The following RBL1 variants were observed in gnomAD, a reference collection of about 807,000 sequenced individuals.
The protein encoded by RBL1 is retinoblastoma-like protein 1.
Under a neutral mutation model 123.0 loss-of-function variants are expected in RBL1, and 82 were observed. That is an observed-to-expected ratio of 0.67 (90% CI 0.56 to 0.80). The LOEUF is 0.80. RBL1 is among the 30% of genes least tolerant of loss of function. The pLI, the probability that RBL1 is intolerant of heterozygous loss-of-function variation, is 0.00. For missense variants in RBL1, 1,171 were observed against 1,299.6 expected, an observed-to-expected ratio of 0.90 and a Z score of 1.52; for synonymous variants, 405 against 441.3, an observed-to-expected ratio of 0.92 and a Z score of 1.03.
intron 18 of RBL1, among the ~76,000 whole-genome samples, chr20:37,019,077 T>C (rs964160661): frequency 6.6e-6 from 1 of 151,868 alleles, no homozygotes; most frequent in South Asian, 2.1e-4. Context: ...AGGGTCTCAC[T>C]CTATGGCTCA....
chr20:37,082,856 T>C (rs968373682), intron 2 of RBL1, among the ~76,000 whole-genome samples: 3 of 151,792 alleles, frequency 2.0e-5, no homozygotes, highest in Admixed American at 1.3e-4. Context: ...ACAAAAATTA[T>C]CTGGGCATAG....
At chr20:37,066,268 C>A (rs1032881793) in intron 6 of RBL1, among the ~76,000 whole-genome samples, 5 of 152,174 alleles carry the variant, frequency 3.3e-5, no homozygotes, top group African/African-American at 1.2e-4. Flanking sequence ...ACACAGATAG[C>A]CTACAAGTGG....
rs1447545915 is a variant in RBL1 at position 37,095,889 on chromosome 20, C to T, written c.40G>A (p.Val14Ile). ...DKPHAEGAAV[V>I]AAAGEALQAL... ...TGTAGCGCCTCCCCGGCTGCGGCGACCACCGCCGCCCCCTCAGCGTGGGGC... is the reference window on the plus strand; with the variant it reads ...TGTAGCGCCTCCCCGGCTGCGGCGATCACCGCCGCCCCCTCAGCGTGGGGC... Residue 14 changes from valine to isoleucine, a missense_variant, in exon 1 of 22, where the codon GTC becomes ATC. Coordinates refer to ENST00000373664, the MANE Select transcript of RBL1 (RefSeq NM_002895.5). 6.2e-7 allele frequency: 1 copy of T among 1,602,038 alleles called. No individual in the cohort carries two copies. The highest frequency in any genetic ancestry group is 8.5e-7 in the Non-Finnish European group (1 of 1,175,030).
At chr20:37,049,760 A>G in intron 11 of RBL1, 1 of 530,970 alleles carries the variant, frequency 1.9e-6, no homozygotes, top group Non-Finnish European at 3.3e-6. Flanking sequence ...AATTTAAAAT[A>G]TTTTTTAGAG....
chr20:37,091,872 A>C (rs942017672), intron 1 of RBL1, among the ~76,000 whole-genome samples: 2 of 152,124 alleles, frequency 1.3e-5, no homozygotes, highest in African/African-American at 4.8e-5. Context: ...AAGGAATGAG[A>C]AGTCTTTTCT....
chr20:37,071,905 C>T (rs1000499943), intron 2 of RBL1, among the ~76,000 whole-genome samples: 2 of 152,182 alleles, frequency 1.3e-5, no homozygotes, highest in African/African-American at 2.4e-5. Context: ...TCACCAGGAG[C>T]AGATGCCAGC....
At chr20:37,088,054 C>T (rs1464466847) in intron 2 of RBL1, among the ~76,000 whole-genome samples, 3 of 152,064 alleles carry the variant, frequency 2.0e-5, no homozygotes, top group East Asian at 3.9e-4. Context: ...CACCTGAGGT[C>T]GGGAGTTCGA....
At chr20:37,002,336 GTTTTTTT>G (rs965408801) in intron 21 of RBL1, among the ~76,000 whole-genome samples, 24 of 76,338 alleles carry the variant, frequency 3.1e-4, no homozygotes, top group South Asian at 2.3e-3. Flanking sequence ...AGCCTTATCT[GTTTTTTT>G]TTTTTTTTTT....
At chr20:37,017,482 AC>A (rs2064274165) in intron 19 of RBL1, among the ~76,000 whole-genome samples, 1 of 151,910 alleles carries the variant, frequency 6.6e-6, no homozygotes, top group Non-Finnish European at 1.5e-5. Context: ...ATGAATACTA[AC>A]CATTTGATTT....
chr20:37,058,115 TAA>T (rs766773271), intron 9 of RBL1, among the ~76,000 whole-genome samples: 1 of 78,392 alleles, frequency 1.3e-5, no homozygotes, highest in Admixed American at 1.6e-4. Flanking sequence ...AAACTCTGTC[TAA>T]AAAAAAAAAA....
At position 37,044,151 on chromosome 20, in the gene RBL1, T is replaced by G; in HGVS notation, c.1705A>C (p.Ser569Arg). 3.7e-6 allele frequency: 6 copies of G among 1,612,262 alleles called. No homozygotes were observed. The highest frequency in any genetic ancestry group is 5.1e-6 in the Non-Finnish European group (6 of 1,179,378). ...GCCTCCCACAGTGCAGAATCGTGAC[T>G]CCATGCTAAACTCTCCAAAATCTGT... ...EEQILESLAW[S>R]HDSALWEALQ... The change falls in exon 13 of 22, where the codon AGT (serine) becomes CGT (arginine). Residue 569 changes from serine to arginine, a missense_variant. Transcript: ENST00000373664.
chr20:37,002,869 C>G (rs1052698268), intron 21 of RBL1, among the ~76,000 whole-genome samples: 1 of 151,612 alleles, frequency 6.6e-6, no homozygotes, highest in Non-Finnish European at 1.5e-5. Flanking sequence ...ATTATAGGTG[C>G]GCACCACCAT....
chr20:37,061,703 T>C (rs2065097679), intron 8 of RBL1, among the ~76,000 whole-genome samples: 1 of 152,194 alleles, frequency 6.6e-6, no homozygotes, highest in Non-Finnish European at 1.5e-5. Flanking sequence ...GTCCAGAGTT[T>C]TATGGCTGAA....
At chr20:37,044,033 GTT>G (rs200990142) in intron 13 of RBL1, 51 bp downstream of exon 13, 26,955 of 884,668 alleles carry the variant, frequency 0.03, no homozygotes, top group South Asian at 0.032. Flanking sequence ...AATAAAGCTG[GTT>G]TTTTTTTTTT....
chr20:36,999,629 T>C (rs1458772668), intron 21 of RBL1, among the ~76,000 whole-genome samples: 3 of 151,028 alleles, frequency 2.0e-5, no homozygotes, highest in African/African-American at 7.3e-5. Context: ...GTGCCTGCGA[T>C]TGCAGGCACG....
intron 2 of RBL1, among the ~76,000 whole-genome samples, chr20:37,071,588 T>C (rs2065281949): frequency 6.6e-6 from 1 of 152,112 alleles, no homozygotes; most frequent in African/African-American, 2.4e-5. Flanking sequence ...CCTGAGGGGT[T>C]GAAGCTGCAG....
At chr20:37,025,166 C>T (rs918051843) in intron 16 of RBL1, among the ~76,000 whole-genome samples, 3 of 152,080 alleles carry the variant, frequency 2.0e-5, no homozygotes, top group African/African-American at 7.2e-5. Flanking sequence ...TCCTCTTCTG[C>T]AATAACAGAA....
intron 14 of RBL1, among the ~76,000 whole-genome samples, chr20:37,038,654 G>C (rs115283499): frequency 6.9e-6 from 1 of 145,798 alleles, no homozygotes; most frequent in Non-Finnish European, 1.5e-5. Flanking sequence ...CCAGGCTGGG[G>C]TCCAGTGGTG....
chr20:37,047,284 G>T (rs141321631), intron 11 of RBL1, 94 bp from the exon 12 acceptor site: 1 of 1,413,846 alleles, frequency 7.1e-7, no homozygotes. Context: ...AAAAAATAAC[G>T]TGCAAATTAT....
Sources: gnomAD v4.1 joint callset for allele counts (sites outside exome capture counted in the v4.1 genomes callset) on GRCh38, gnomAD v4.1.1 for gene constraint, MANE v1.5 for transcripts, NCBI Gene and HGNC (gene_info 2026-07-23, HGNC 2026-07-21) for gene names.